The following DGKG variants were observed in gnomAD, a reference collection of about 807,000 sequenced individuals.
DGKG encodes the protein diacylglycerol kinase gamma.
DGKG carries 78 observed loss-of-function variants against 105.3 expected under a neutral mutation model. The observed-to-expected ratio is 0.74, with a 90% CI of 0.62 to 0.89. The LOEUF is 0.89. DGKG is among the 40% of genes least tolerant of loss of function. DGKG has a pLI of 0.00. For synonymous variants in DGKG, 346 were observed against 367.1 expected (o/e 0.94, Z 0.66); for missense variants, 958 against 1,020.1 (o/e 0.94, Z 0.83).
intron 1 of DGKG, among the ~76,000 whole-genome samples, chr3:186,344,578 C>T (rs1247108284): frequency 2.6e-5 from 4 of 151,960 alleles, no homozygotes; most frequent in Admixed American, 2.6e-4. Context: ...ACAACAGACA[C>T]GGATTCTACT....
At chr3:186,185,819 G>A (rs1233918949) in intron 22 of DGKG, among the ~76,000 whole-genome samples, 1 of 152,120 alleles carries the variant, frequency 6.6e-6, no homozygotes, top group Non-Finnish European at 1.5e-5. Context: ...AACAGAGGCC[G>A]GGCATGGTTC....
intron 1 of DGKG, among the ~76,000 whole-genome samples, chr3:186,337,477 T>C (rs1725885449): frequency 6.6e-6 from 1 of 152,196 alleles, no homozygotes; most frequent in Non-Finnish European, 1.5e-5. Context: ...TTTAACTTCA[T>C]GATGGCTATC....
In DGKG at chr3:186,210,365, C is replaced by T. The variant is rs2108519278; in HGVS notation, c.1917+1430G>A. ...CAAGGCCTCTCCTCCTTCCTCAGCT[C>T]CCAGCACTGCGTTCACACGTCAAGA... On this transcript the variant is annotated intron_variant, in intron 21 of 24. Transcript: ENST00000265022. This position sits in a 1 kb window ranked among gnomAD's most constrained non-coding sequence, Gnocchi z 5.2. 6.6e-6 allele frequency among the ~76,000 whole-genome samples: 1 copy of T among 152,376 alleles called. No homozygotes were observed. The highest frequency in any genetic ancestry group is 2.4e-5 in the African/African-American group (1 of 41,596).
At chr3:186,341,605 C>T (rs1390734833) in intron 1 of DGKG, among the ~76,000 whole-genome samples, 6 of 152,194 alleles carry the variant, frequency 3.9e-5, no homozygotes, top group Non-Finnish European at 5.9e-5. Context: ...CATATGTATA[C>T]ATAATTATAA....
At chr3:186,265,718 A>C (rs1722024114) in intron 13 of DGKG, among the ~76,000 whole-genome samples, 1 of 125,098 alleles carries the variant, frequency 8.0e-6, no homozygotes, top group African/African-American at 3.1e-5. Flanking sequence ...GCTGGAGTGC[A>C]GTGGTGTGAT....
chr3:186,214,222 A>C (rs950180390), intron 20 of DGKG, among the ~76,000 whole-genome samples: 20 of 152,242 alleles, frequency 1.3e-4, no homozygotes, highest in Admixed American at 1.2e-3. Flanking sequence ...CGGACTACTC[A>C]TTCATTGCTG....
Position 186,149,037 on chromosome 3 carries a change from C to A in DGKG, c.*1053G>T. 1 of 983,040 alleles carries A rather than the reference C, an allele frequency of 1.0e-6. No individual in the cohort carries two copies. Among genetic ancestry groups the A allele is most frequent in the Non-Finnish European group, 1.2e-6 (1 of 829,382 alleles). The allele number at this position is 983,040 out of a possible 1,614,324, so 60.9% of individuals were successfully genotyped here. A position where few individuals can be genotyped will look rare whatever the true frequency, so the allele number is the denominator to read the frequency against. ...ACACACACACACACGCGCGCACACA[C>A]GTTAAGACCATCAGAAGGTCCTTCA... On this transcript the variant is annotated 3_prime_UTR_variant, in exon 25 of 25. Transcript: ENST00000265022.
At chr3:186,343,481 C>T (rs573268912) in intron 1 of DGKG, among the ~76,000 whole-genome samples, 60 of 152,044 alleles carry the variant, frequency 3.9e-4, no homozygotes, top group African/African-American at 1.3e-3. Flanking sequence ...TTGGTAGAGA[C>T]GGGATTTCAC....
At position 186,226,981 on chromosome 3, in the gene DGKG, C is replaced by T. The variant is rs983855776; in HGVS notation, c.1827-15096G>A. The stretch of plus-strand genomic sequence containing the variant: ...TTAGTAAAATATGAAGTGGTAAGCA[C>T]CTCCTAACCCCTTCAAATTTAAACA... On this transcript the variant is annotated intron_variant, in intron 20 of 24. Coordinates refer to ENST00000265022, the MANE Select transcript of DGKG (RefSeq NM_001346.3). This position sits in a 1 kb window ranked among gnomAD's most constrained non-coding sequence, Gnocchi z 4.2. Among the ~76,000 whole-genome samples, 1 of 152,102 alleles carries T rather than the reference C, an allele frequency of 6.6e-6. No individual in the cohort carries two copies. The highest frequency in any genetic ancestry group is 1.5e-5 in the Non-Finnish European group (1 of 68,014).
In DGKG at chr3:186,209,893, C is replaced by T. The variant is rs140137176; in HGVS notation, c.1917+1902G>A. 2.5e-3 allele frequency among the ~76,000 whole-genome samples: 382 copies of T among 152,306 alleles called. 1 individual carries two copies. Among genetic ancestry groups the T allele is most frequent in the African/African-American group, 8.8e-3 (364 of 41,556 alleles). On this transcript the variant is annotated intron_variant, in intron 21 of 24. Transcript: ENST00000265022. ...CCATCACATGACACGCTCAGCCCCA[C>T]TCCCCCAGCTAATCCTCATGAATAA...
At chr3:186,265,552 C>T (rs1037688541) in intron 13 of DGKG, among the ~76,000 whole-genome samples, 41 of 151,604 alleles carry the variant, frequency 2.7e-4, no homozygotes, top group African/African-American at 9.9e-4. Flanking sequence ...AGGCAAGGGA[C>T]ATAGTGGGGA....
intron 20 of DGKG, among the ~76,000 whole-genome samples, chr3:186,223,011 C>CTATATATACATATATATATATATATA (rs1719666590): frequency 1.2e-5 from 1 of 80,524 alleles, no homozygotes; most frequent in African/African-American, 3.7e-5. Flanking sequence ...TGTATGTATA[C>CTATATATACATATATATATATATATA]TATATATATA....
At chr3:186,214,680 C>T (rs538326419) in intron 20 of DGKG, among the ~76,000 whole-genome samples, 56 of 152,288 alleles carry the variant, frequency 3.7e-4, no homozygotes, top group African/African-American at 1.0e-3. Context: ...TTGGCCAAAG[C>T]GATGCTAATT....
chr3:186,199,979 T>C (rs1718370224), intron 21 of DGKG, among the ~76,000 whole-genome samples: 1 of 152,170 alleles, frequency 6.6e-6, no homozygotes, highest in African/African-American at 2.4e-5. Flanking sequence ...ACAGAGTGCA[T>C]GCTCCCGATG....
Position 186,149,175 on chromosome 3 carries a change from C to T in DGKG, c.*915G>A. The stretch of plus-strand genomic sequence containing the variant: ...TCTGCCTTCAGGAATAGTCTGCCAC[C>T]AGGGCTTGGAACTCAAACAGGAAAC... On this transcript the variant is annotated 3_prime_UTR_variant, in exon 25 of 25. Transcript: ENST00000265022. 1 of 984,784 alleles carries T rather than the reference C, an allele frequency of 1.0e-6. No homozygotes were observed. The highest frequency in any genetic ancestry group is 1.2e-6 in the Non-Finnish European group (1 of 829,750). The allele number at this position is 984,784 out of a possible 1,614,324, so 61.0% of individuals were successfully genotyped here. A position where few individuals can be genotyped will look rare whatever the true frequency, so the allele number is the denominator to read the frequency against.
intron 19 of DGKG, among the ~76,000 whole-genome samples, chr3:186,244,850 C>T (rs1004437205): frequency 6.6e-6 from 1 of 152,204 alleles, no homozygotes; most frequent in East Asian, 1.9e-4. Flanking sequence ...TGGGCAGCAG[C>T]ACTTCATGCT....
chr3:186,343,398 C>A (rs1726178092), intron 1 of DGKG, among the ~76,000 whole-genome samples: 1 of 152,102 alleles, frequency 6.6e-6, no homozygotes, highest in Non-Finnish European at 1.5e-5. Flanking sequence ...TGAAGTGATC[C>A]TCCCACCTCA....
chr3:186,316,594 ATG>A (rs1396636074), intron 2 of DGKG, among the ~76,000 whole-genome samples: 2 of 152,152 alleles, frequency 1.3e-5, no homozygotes, highest in African/African-American at 4.8e-5. Context: ...TGTCAGCTAT[ATG>A]TGTGTGTGTC....
Position 186,148,344 on chromosome 3 carries a change from G to C in DGKG, c.*1746C>G, listed in dbSNP as rs1009482239. 1.0e-6 allele frequency: 1 copy of C among 985,432 alleles called. No individual in the cohort carries two copies. The highest frequency in any genetic ancestry group is 1.2e-6 in the Non-Finnish European group (1 of 829,942). 61.0% of individuals were successfully genotyped at this position (985,432 alleles called of 1,614,324 possible). A position where few individuals can be genotyped will look rare whatever the true frequency, so the allele number is the denominator to read the frequency against. Reference sequence around the variant, plus strand: ...TGTTTCCAAACTAAGAGACTATGATGACCATGATGAGGTGACATGTGGAGA... The same window carrying C: ...TGTTTCCAAACTAAGAGACTATGATCACCATGATGAGGTGACATGTGGAGA... On this transcript the variant is annotated 3_prime_UTR_variant, in exon 25 of 25. Coordinates refer to ENST00000265022, the MANE Select transcript of DGKG (RefSeq NM_001346.3).
Sources: gnomAD v4.1 joint callset for allele counts (sites outside exome capture counted in the v4.1 genomes callset) on GRCh38, gnomAD v4.1.1 for gene constraint, Gnocchi (gnomAD v3.1) non-coding constraint, MANE v1.5 for transcripts, NCBI Gene and HGNC (gene_info 2026-07-23, HGNC 2026-07-21) for gene names.